DNAH11: variants seen among roughly 807,000 people sequenced by gnomAD.
The protein encoded by DNAH11 is axonemal beta dynein heavy chain 11.
DNAH11 carries 442 observed loss-of-function variants against 526.0 expected under a neutral mutation model. The ratio of observed to expected loss-of-function variants is 0.84; its 90% confidence interval spans 0.78 to 0.91. DNAH11 has a LOEUF of 0.91. Ranked by LOEUF, DNAH11 falls within the 40% of genes least tolerant of loss-of-function variation. The pLI, the probability that DNAH11 is intolerant of heterozygous loss-of-function variation, is 0.00. For synonymous variants in DNAH11, 2,461 were observed against 1,935.9 expected (o/e 1.27, Z -7.12); for missense variants, 6,989 against 5,448.7 (o/e 1.28, Z -8.90).
Position 21,717,937 on chromosome 7 carries a change from G to A in DNAH11, c.7134+12G>A, listed in dbSNP as rs769698842. On this transcript the variant is annotated intron_variant, in intron 43 of 81. Transcript: ENST00000409508. The stretch of plus-strand genomic sequence containing the variant: ...GTAGCCTGGTGCAGGTTTGTCTTCG[G>A]TTACGCCATTTAACGTTCTAGTTCT... The A allele has an allele frequency of 1.2e-6, 2 of 1,607,874 alleles. No individual in the cohort carries two copies. Among genetic ancestry groups the A allele is most frequent in the Non-Finnish European group, 1.7e-6 (2 of 1,176,154 alleles).
chr7:21,724,922 C>A (rs1181226569), intron 44 of DNAH11, among the ~76,000 whole-genome samples: 2 of 152,074 alleles, frequency 1.3e-5, no homozygotes, highest in Non-Finnish European at 2.9e-5. Context: ...GTCACTGGGC[C>A]AGATCATCCT....
At chr7:21,803,155 A>G (rs1029395358) in intron 62 of DNAH11, among the ~76,000 whole-genome samples, 1 of 152,220 alleles carries the variant, frequency 6.6e-6, no homozygotes. Flanking sequence ...AAATGCCTTT[A>G]GCTGACAAGC....
At chr7:21,583,538 C>T (rs1404624401) in intron 9 of DNAH11, among the ~76,000 whole-genome samples, 2 of 152,158 alleles carry the variant, frequency 1.3e-5, no homozygotes, top group Non-Finnish European at 1.5e-5. Context: ...GACTTCATGA[C>T]TAAAACACCA....
chr7:21,771,765 CT>C (rs1471131633), intron 55 of DNAH11, among the ~76,000 whole-genome samples: 4 of 152,160 alleles, frequency 2.6e-5, no homozygotes, highest in African/African-American at 9.6e-5. Context: ...CCTCACGTCT[CT>C]CAAAGTGAAA....
At chr7:21,740,037 T>G (rs1399833936) in intron 48 of DNAH11, among the ~76,000 whole-genome samples, 1 of 152,176 alleles carries the variant, frequency 6.6e-6, no homozygotes, top group African/African-American at 2.4e-5. Context: ...ATTCCTTCTT[T>G]GTATTATACG....
chr7:21,565,179 C>T (rs1218231577), intron 6 of DNAH11, among the ~76,000 whole-genome samples: 5 of 152,178 alleles, frequency 3.3e-5, no homozygotes, highest in Admixed American at 1.3e-4. Context: ...AGGGTGCCAG[C>T]GTGCTCAGAT....
At chr7:21,618,985 T>C in intron 23 of DNAH11, 115 bp from the exon 24 acceptor site, 1 of 1,317,670 alleles carries the variant, frequency 7.6e-7, no homozygotes, top group Admixed American at 2.0e-5. Flanking sequence ...ACGAGAGATG[T>C]ACTCAGCACC....
chr7:21,750,232 A>C lies in DNAH11; in HGVS notation c.8808A>C (p.Pro2936=). Residue 2936 remains proline (P), a synonymous_variant, in exon 54 of 82, where the codon CCA becomes CCC. Coordinates refer to ENST00000409508, the MANE Select transcript of DNAH11 (RefSeq NM_001277115.2). ...CATTCTTTGGGGCAGGAGAAATCCC[A>C]GATCTGTTCAGCGATGAAGATGTGG... ...INDLLASGEI[P]DLFSDEDVDK... is the part of the protein sequence containing the mutation. The C allele has an allele frequency of 6.2e-7, 1 of 1,603,300 alleles. No individual in the cohort carries two copies. The highest frequency in any genetic ancestry group is 8.5e-7 in the Non-Finnish European group (1 of 1,175,282).
At chr7:21,713,986 C>G (rs1017031757) in intron 42 of DNAH11, among the ~76,000 whole-genome samples, 6 of 152,116 alleles carry the variant, frequency 3.9e-5, no homozygotes, top group African/African-American at 1.4e-4. Flanking sequence ...TACAGAGAAC[C>G]CAGGCACCAC....
At chr7:21,890,315 T>C (rs1784286671) in intron 76 of DNAH11, among the ~76,000 whole-genome samples, 2 of 152,208 alleles carry the variant, frequency 1.3e-5, no homozygotes, top group Non-Finnish European at 2.9e-5. Context: ...GGAAGGCACT[T>C]GTCACATGTC....
intron 8 of DNAH11, among the ~76,000 whole-genome samples, chr7:21,580,985 A>G (rs1227686435): frequency 6.6e-6 from 1 of 152,200 alleles, no homozygotes; most frequent in Non-Finnish European, 1.5e-5. Context: ...CCTATAATGC[A>G]CAAAAAATTA....
At chr7:21,832,803 A>G (rs1190598405) in intron 65 of DNAH11, among the ~76,000 whole-genome samples, 1 of 152,202 alleles carries the variant, frequency 6.6e-6, no homozygotes, top group African/African-American at 2.4e-5. Context: ...GATTGGAAAC[A>G]AGAAGAATAT....
chr7:21,699,343 T>C (rs2128477443), intron 36 of DNAH11, among the ~76,000 whole-genome samples: 1 of 152,330 alleles, frequency 6.6e-6, no homozygotes, highest in East Asian at 1.9e-4. Context: ...TTGAAGTTGC[T>C]GATAAGCCAC....
intron 30 of DNAH11, among the ~76,000 whole-genome samples, chr7:21,675,301 G>C (rs1021960463): frequency 6.6e-6 from 1 of 152,142 alleles, no homozygotes; most frequent in African/African-American, 2.4e-5. Flanking sequence ...ACCTCTTTCA[G>C]TTTTTCCACA....
intron 20 of DNAH11, among the ~76,000 whole-genome samples, chr7:21,612,554 CAA>C (rs34356379): frequency 1.1e-4 from 9 of 81,234 alleles, no homozygotes; most frequent in African/African-American, 3.6e-4. Flanking sequence ...GGCTCCGTCT[CAA>C]AAAAAAAAAA....
At chr7:21,636,580 T>C (rs1786876650) in intron 26 of DNAH11, among the ~76,000 whole-genome samples, 1 of 151,914 alleles carries the variant, frequency 6.6e-6, no homozygotes, top group African/African-American at 2.4e-5. Context: ...ACTAAAAAAT[T>C]TTTAATAATT....
chr7:21,555,872 C>G (rs62441665), intron 2 of DNAH11, among the ~76,000 whole-genome samples: 26,584 of 152,112 alleles, frequency 0.17, 2,369 homozygotes, highest in Middle Eastern at 0.24. Context: ...CACAGAGATC[C>G]CAGACGGGCC....
chr7:21,778,829 A>G, intron 56 of DNAH11, 129 bp from the exon 57 acceptor site: 1 of 1,118,246 alleles, frequency 8.9e-7, no homozygotes, highest in Non-Finnish European at 1.2e-6. Context: ...AAGACAGTGA[A>G]AATCAGGGTA....
chr7:21,765,541 T>G lies in DNAH11; in HGVS notation c.9054T>G (p.Ala3018=), dbSNP rs1365145048. 6.2e-7 allele frequency: 1 copy of G among 1,610,654 alleles called. No individual in the cohort carries two copies. The highest frequency in any genetic ancestry group is 8.5e-7 in the Non-Finnish European group (1 of 1,177,824). The change falls in exon 55 of 82, where the codon GCT becomes GCG. Residue 3018 remains alanine, a synonymous_variant. Transcript: ENST00000409508. ...IDWFHAWPQE[A]LVSVSRRFIE... ...GGTTTCATGCGTGGCCGCAGGAGGC[T>G]CTGGTCTCCGTCAGCAGGAGGTTCA...
Sources: gnomAD v4.1 joint callset for allele counts (sites outside exome capture counted in the v4.1 genomes callset) on GRCh38, gnomAD v4.1.1 for gene constraint, MANE v1.5 for transcripts, NCBI Gene and HGNC (gene_info 2026-07-23, HGNC 2026-07-21) for gene names.